The following USP3 variants were observed in gnomAD, a reference collection of about 807,000 sequenced individuals.
USP3 encodes the protein ubiquitin carboxyl-terminal hydrolase 3.
Under a neutral mutation model 72.3 loss-of-function variants are expected in USP3, and 20 were observed. The observed-to-expected ratio is 0.28, with a 90% confidence interval of 0.19 to 0.40. The LOEUF is 0.40. Ranked by LOEUF, USP3 falls within the 10% of genes least tolerant of loss-of-function variation. USP3 has a pLI of 1.00. For synonymous variants in USP3, 222 were observed against 225.3 expected, an observed-to-expected ratio of 0.99 and a Z score of 0.13; for missense variants, 479 against 633.9, an observed-to-expected ratio of 0.76 and a Z score of 2.62.
chr15:63,505,083 C>T (rs1339598545), intron 1 of USP3, among the ~76,000 whole-genome samples: 2 of 151,032 alleles, frequency 1.3e-5, no homozygotes, highest in Admixed American at 6.6e-5. Context: ...GCGGAGGCCT[C>T]GAGCGCGTGG....
At chr15:63,508,617 T>C (rs943330957) in intron 1 of USP3, among the ~76,000 whole-genome samples, 2 of 152,184 alleles carry the variant, frequency 1.3e-5, no homozygotes, top group Non-Finnish European at 2.9e-5. Flanking sequence ...ACATACCAGA[T>C]GTTATTTTCA....
intron 1 of USP3, among the ~76,000 whole-genome samples, chr15:63,526,937 C>T (rs2152655981): frequency 6.6e-6 from 1 of 152,326 alleles, no homozygotes; most frequent in East Asian, 1.9e-4. Flanking sequence ...CTTTGTCGCC[C>T]AGACTGGAGT....
intron 11 of USP3, among the ~76,000 whole-genome samples, chr15:63,583,072 G>A (rs2066992405): frequency 6.6e-6 from 1 of 152,156 alleles, no homozygotes; most frequent in South Asian, 2.1e-4. Context: ...CCACACACGG[G>A]GAGACCCCTT....
intron 1 of USP3, among the ~76,000 whole-genome samples, chr15:63,519,640 A>G (rs546519119): frequency 4.7e-4 from 71 of 152,282 alleles, no homozygotes; most frequent in African/African-American, 1.5e-3. Flanking sequence ...TTTGTGGGAA[A>G]TGTTTTTAGA....
At position 63,574,418 on chromosome 15, in the gene USP3, A is replaced by G. The variant is rs1193051815; in HGVS notation, c.1096+15A>G. On this transcript the variant is annotated intron_variant, in intron 11 of 14. Coordinates refer to ENST00000380324, the MANE Select transcript of USP3 (RefSeq NM_006537.4). This position sits in a 1 kb window ranked among gnomAD's most constrained non-coding sequence, Gnocchi z 4.6. ...TTCGTTACGAGGTAAAGATACTTGA[A>G]TGTTCTAAAAATTTTTTTCTTTAAA... 6.3e-7 allele frequency: 1 copy of G among 1,583,504 alleles called. No homozygotes were observed.
At chr15:63,532,382 C>G (rs1328811567) in intron 1 of USP3, 3 of 513,628 alleles carry the variant, frequency 5.8e-6, no homozygotes, top group African/African-American at 5.8e-5. Context: ...ATAAAGGAGA[C>G]AAGTGTATAT....
intron 8 of USP3, among the ~76,000 whole-genome samples, chr15:63,565,921 GC>G (rs2066682818): frequency 6.6e-6 from 1 of 152,176 alleles, no homozygotes; most frequent in African/African-American, 2.4e-5. Context: ...AGTCTTTTCT[GC>G]TAGCCTTTGT....
chr15:63,517,773 G>A (rs990862896), intron 1 of USP3, among the ~76,000 whole-genome samples: 2 of 152,106 alleles, frequency 1.3e-5, no homozygotes, highest in Non-Finnish European at 2.9e-5. Flanking sequence ...GTCCTTACCT[G>A]CTGTCTGCTG....
intron 11 of USP3, among the ~76,000 whole-genome samples, chr15:63,582,941 G>C (rs2066989643): frequency 6.6e-6 from 1 of 152,184 alleles, no homozygotes; most frequent in African/African-American, 2.4e-5. Flanking sequence ...GATTCTTTCA[G>C]TAATCTCAGT....
chr15:63,537,043 A>C lies in USP3; in HGVS notation c.171A>C (p.Ala57=). 2 of 1,613,006 alleles carry C rather than the reference A, an allele frequency of 1.2e-6. No individual in the cohort carries two copies. The highest frequency in any genetic ancestry group is 1.7e-6 in the Non-Finnish European group (2 of 1,179,562). The change falls in exon 3 of 15, where the codon GCA becomes GCC. Residue 57 remains alanine (A), a synonymous_variant. Coordinates refer to ENST00000380324, the MANE Select transcript of USP3 (RefSeq NM_006537.4). ...TTGTAAGGTATGTGAATGGCCATGCAAAAAAACATTATGAAGATGCACAAG... is the reference window on the plus strand; with the variant it reads ...TTGTAAGGTATGTGAATGGCCATGCCAAAAAACATTATGAAGATGCACAAG... ...VHCGRYVNGH[A]KKHYEDAQVP...
chr15:63,566,256 A>G (rs2066689046), intron 8 of USP3, among the ~76,000 whole-genome samples: 1 of 151,592 alleles, frequency 6.6e-6, no homozygotes, highest in South Asian at 2.1e-4. Flanking sequence ...GTTTATAGAC[A>G]ATGTAAAGGA....
At chr15:63,581,345 TTGTGTG>T (rs59188081) in intron 11 of USP3, among the ~76,000 whole-genome samples, 4,485 of 129,996 alleles carry the variant, frequency 0.035, 96 homozygotes, top group East Asian at 0.06. Flanking sequence ...GTGTTGGTTT[TTGTGTG>T]TGTGTGTGTG....
chr15:63,542,106 A>G (rs1409514934), intron 3 of USP3: 9 of 985,032 alleles, frequency 9.1e-6, no homozygotes, highest in African/African-American at 1.7e-5. Context: ...CTTCAAGGAC[A>G]TGATGTGGAA....
In USP3 at chr15:63,553,136, T is replaced by A. The variant is rs750147658; in HGVS notation, c.285-579T>A. Reference sequence around the variant, plus strand: ...TTGCCTGAATGATATAGCCACTATTTTATACTTTTGTTTTGTAGTGCCTCA... The same window carrying A: ...TTGCCTGAATGATATAGCCACTATTATATACTTTTGTTTTGTAGTGCCTCA... On this transcript the variant is annotated intron_variant, in intron 3 of 14. Transcript: ENST00000380324. The surrounding 1 kb of genome is among the most constrained non-coding windows in gnomAD (Gnocchi z 4.2). Among the ~76,000 whole-genome samples, 1 of 152,266 alleles carries A rather than the reference T, an allele frequency of 6.6e-6. No homozygotes were observed. Among genetic ancestry groups the A allele is most frequent in the Admixed American group, 6.5e-5 (1 of 15,288 alleles).
At chr15:63,569,104 GGA>G (rs2152677293) in intron 8 of USP3, among the ~76,000 whole-genome samples, 1 of 152,096 alleles carries the variant, frequency 6.6e-6, no homozygotes, top group African/African-American at 2.4e-5. Flanking sequence ...GTTATTTTGG[GGA>G]GAGAATGAAA....
In USP3 at chr15:63,594,543, G is replaced by C. The variant is rs960105064; in HGVS notation, c.*3717G>C. On this transcript the variant is annotated 3_prime_UTR_variant, in exon 15 of 15. Transcript: ENST00000380324. ...TGCCAAGAGGATTAATTGTGCAAGT[G>C]ACTGATTCATTTAAATTGTAATCAC... The C allele has an allele frequency of 6.6e-6, 1 of 152,174 alleles. No homozygotes were observed. The highest frequency in any genetic ancestry group is 1.5e-5 in the Non-Finnish European group (1 of 68,038). 9.4% of individuals were successfully genotyped at this position (152,174 alleles called of 1,614,324 possible).
Position 63,556,827 on chromosome 15 carries a change from G to A in USP3, c.450+79G>A, listed in dbSNP as rs927533637. 9.2e-6 allele frequency: 9 copies of A among 977,900 alleles called. No homozygotes were observed. The African/African-American group carries it at 9.9e-5, about 11-fold the overall frequency. The allele number at this position is 977,900 out of a possible 1,614,324, so 60.6% of individuals were successfully genotyped here. ...TTTTGTTACAACTCTAACATGTAATGTTACCTGTTACAGACTTTTATAAAT... is the reference window on the plus strand; with the variant it reads ...TTTTGTTACAACTCTAACATGTAATATTACCTGTTACAGACTTTTATAAAT... On this transcript the variant is annotated intron_variant, in intron 5 of 14. Transcript: ENST00000380324.
In USP3 at chr15:63,590,818, A is replaced by AT; in HGVS notation, c.1555_1556insT (p.Lys519IlefsTer26). 9.9e-6 allele frequency: 16 copies of AT among 1,611,788 alleles called. No individual in the cohort carries two copies. Among genetic ancestry groups the AT allele is most frequent in the Non-Finnish European group, 1.2e-5 (14 of 1,179,248 alleles). Reference sequence around the variant, plus strand: ...ACACCAGGCCAAAGCTGGATCGGATAAACTTTAATACCTCCTCCAAATCAT... The same window carrying AT: ...ACACCAGGCCAAAGCTGGATCGGATATAACTTTAATACCTCCTCCAAATCAT... On this transcript the variant is annotated frameshift_variant, in exon 15 of 15. Transcript: ENST00000380324. LOFTEE classifies it high-confidence loss of function.
chr15:63,552,423 A>G (rs1245748591), intron 3 of USP3, among the ~76,000 whole-genome samples: 1 of 152,192 alleles, frequency 6.6e-6, no homozygotes, highest in Non-Finnish European at 1.5e-5. Context: ...TATAGGACCA[A>G]TGAAGAATTT....
Sources: allele counts gnomAD v4.1 joint callset (sites outside exome capture counted in the v4.1 genomes callset), GRCh38; gene constraint gnomAD v4.1.1; non-coding constraint Gnocchi (gnomAD v3.1); transcripts MANE v1.5; gene names NCBI Gene and HGNC (gene_info 2026-07-23, HGNC 2026-07-21).